PRDM11: variants seen among roughly 807,000 people sequenced by gnomAD.
PRDM11 encodes the protein PR domain-containing protein 11.
In PRDM11, 20 loss-of-function variants were observed where a neutral mutation model predicts 97.8. That is an observed-to-expected ratio of 0.20 (90% CI 0.14 to 0.30). PRDM11 has a LOEUF of 0.30. PRDM11 is among the 10% of genes least tolerant of loss of function. The probability of loss-of-function intolerance (pLI) is 1.00; values close to 1 mark genes in which losing one functional copy is unlikely to be tolerated. For synonymous variants in PRDM11, 599 were observed against 637.7 expected, an observed-to-expected ratio of 0.94 and a Z score of 0.91; for missense variants, 1,139 against 1,555.2, an observed-to-expected ratio of 0.73 and a Z score of 4.50.
intron 1 of PRDM11, among the ~76,000 whole-genome samples, chr11:45,128,244 C>G (rs192839849): frequency 0.016 from 2,461 of 152,310 alleles, 28 homozygotes; most frequent in Non-Finnish European, 0.023. Flanking sequence ...CAGGTGCTGT[C>G]TGTCACCCCT....
At chr11:45,221,935 C>T (rs1460569014) in intron 6 of PRDM11, among the ~76,000 whole-genome samples, 1 of 152,152 alleles carries the variant, frequency 6.6e-6, no homozygotes, top group Admixed American at 6.5e-5. Context: ...AGGGAGATCC[C>T]CTATGCCCAA....
At chr11:45,190,112 A>G (rs905539980) in intron 4 of PRDM11, among the ~76,000 whole-genome samples, 5 of 151,348 alleles carry the variant, frequency 3.3e-5, no homozygotes, top group African/African-American at 1.2e-4. Context: ...TTCTACACTT[A>G]CACCACCTAC....
chr11:45,189,921 T>TC lies in PRDM11; in HGVS notation c.486+6799dup, dbSNP rs147948012. ...AAAAGGGGCGTTTGAGACAGGGTAG[T>TC]CGTGCAGTGTGTGAGCATGCACGAG... On this transcript the variant is annotated intron_variant, in intron 4 of 7. Transcript: ENST00000683152. Among the ~76,000 whole-genome samples, 1,130 of 152,276 alleles carry TC rather than the reference T, an allele frequency of 7.4e-3. 9 individuals carry two copies. Among genetic ancestry groups the TC allele is most frequent in the African/African-American group, 0.026 (1,079 of 41,556 alleles).
At chr11:45,200,293 C>T (rs1307215684) in intron 4 of PRDM11, among the ~76,000 whole-genome samples, 5 of 152,216 alleles carry the variant, frequency 3.3e-5, no homozygotes, top group Admixed American at 6.5e-5. Flanking sequence ...CCAGATGAAA[C>T]TGCCAAGACT....
intron 6 of PRDM11, among the ~76,000 whole-genome samples, chr11:45,223,923 G>A (rs1428895853): frequency 5.3e-5 from 8 of 152,172 alleles, no homozygotes; most frequent in African/African-American, 1.2e-4. Context: ...AGGAAAGAAT[G>A]TTCAATTACT....
In PRDM11 at chr11:45,204,804, G is replaced by A. The variant is rs750261024; in HGVS notation, c.554+26G>A. On this transcript the variant is annotated intron_variant, in intron 5 of 7. Transcript: ENST00000683152. Reference sequence around the variant, plus strand: ...GTGAGCCCTGCTCTGCTGATGTCCCGGGGGTCTTGCCTGGCCTCTGGAAAG... The same window carrying A: ...GTGAGCCCTGCTCTGCTGATGTCCCAGGGGTCTTGCCTGGCCTCTGGAAAG... 1.0e-4 allele frequency: 163 copies of A among 1,590,728 alleles called. No individual in the cohort carries two copies. In the Admixed American group the frequency reaches 2.1e-3, roughly 21 times the overall value.
intron 5 of PRDM11, among the ~76,000 whole-genome samples, chr11:45,206,423 G>A (rs731102): frequency 0.4 from 60,899 of 152,078 alleles, 12,475 homozygotes; most frequent in Non-Finnish European, 0.45. Flanking sequence ...TGGACCCCAA[G>A]CCTGTGCTGC....
intron 1 of PRDM11, among the ~76,000 whole-genome samples, chr11:45,101,055 G>C (rs981419383): frequency 3.9e-5 from 6 of 152,106 alleles, no homozygotes; most frequent in Non-Finnish European, 8.8e-5. Context: ...AAGTGGGGGG[G>C]TGGGGATTAA....
chr11:45,153,834 T>C (rs577842484), intron 1 of PRDM11, among the ~76,000 whole-genome samples: 2 of 152,240 alleles, frequency 1.3e-5, no homozygotes, highest in South Asian at 4.1e-4. Context: ...AGAAGGAACA[T>C]GTATGGAGCA....
At chr11:45,140,683 C>A (rs1183712559) in intron 1 of PRDM11, among the ~76,000 whole-genome samples, 2 of 152,034 alleles carry the variant, frequency 1.3e-5, no homozygotes, top group Non-Finnish European at 2.9e-5. Context: ...CCCAGCAGTC[C>A]TAAAGCTGCT....
intron 6 of PRDM11, 137 bp from the exon 7 acceptor site, chr11:45,224,080 T>G (rs576112661): frequency 9.7e-7 from 1 of 1,030,046 alleles, no homozygotes; most frequent in Non-Finnish European, 1.4e-6. Context: ...GTATCTCCCC[T>G]TTGCAACACT....
intron 1 of PRDM11, among the ~76,000 whole-genome samples, chr11:45,110,509 TG>T (rs1313950896): frequency 6.6e-6 from 1 of 152,188 alleles, no homozygotes; most frequent in Non-Finnish European, 1.5e-5. Context: ...GAAAGCAACA[TG>T]CAGCCGGACC....
chr11:45,146,327 A>T (rs2135673960), upstream of PRDM11, among the ~76,000 whole-genome samples: 1 of 152,348 alleles, frequency 6.6e-6, no homozygotes, highest in East Asian at 1.9e-4. Flanking sequence ...CCCCCCTCAC[A>T]ATGACTTTAT....
intron 1 of PRDM11, among the ~76,000 whole-genome samples, chr11:45,128,284 C>T (rs909839232): frequency 6.6e-6 from 1 of 152,224 alleles, no homozygotes; most frequent in Non-Finnish European, 1.5e-5. Flanking sequence ...AACTCCCTGA[C>T]CCCTTGCACT....
intron 1 of PRDM11, among the ~76,000 whole-genome samples, chr11:45,103,358 G>A (rs1265017292): frequency 6.6e-6 from 1 of 152,192 alleles, no homozygotes; most frequent in Non-Finnish European, 1.5e-5. Flanking sequence ...GTTGGAGGAG[G>A]AAGAGGAGGA....
At chr11:45,193,186 C>T (rs1852975850) in intron 4 of PRDM11, among the ~76,000 whole-genome samples, 1 of 152,238 alleles carries the variant, frequency 6.6e-6, no homozygotes, top group Non-Finnish European at 1.5e-5. Context: ...AAGCCATCCT[C>T]CTGCCTCAGC....
At chr11:45,165,853 C>T (rs1207730960) in intron 1 of PRDM11, among the ~76,000 whole-genome samples, 1 of 152,182 alleles carries the variant, frequency 6.6e-6, no homozygotes, top group African/African-American at 2.4e-5. Context: ...AGTTAATGGG[C>T]CCTTCACTCC....
chr11:45,132,150 T>C (rs1468129934), intron 1 of PRDM11, among the ~76,000 whole-genome samples: 1 of 152,196 alleles, frequency 6.6e-6, no homozygotes, highest in East Asian at 1.9e-4. Flanking sequence ...GGGATCACTG[T>C]CATTATCTTA....
chr11:45,217,366 G>A (rs1016545397), intron 5 of PRDM11, among the ~76,000 whole-genome samples: 3 of 152,078 alleles, frequency 2.0e-5, no homozygotes, highest in African/African-American at 7.3e-5. Context: ...ATCACCCTGT[G>A]GTCTTCACTA....
Sources: allele counts gnomAD v4.1 joint callset (sites outside exome capture counted in the v4.1 genomes callset), GRCh38; gene constraint gnomAD v4.1.1; transcripts MANE v1.5; gene names NCBI Gene and HGNC (gene_info 2026-07-23, HGNC 2026-07-21).